Variants in EPHA6 observed in about 807,000 individuals in gnomAD.
EPHA6 encodes the protein EPH receptor A6, also known as ephrin type-A receptor 6.
EPHA6 carries 50 observed loss-of-function variants against 112.0 expected under a neutral mutation model. The observed-to-expected ratio is 0.45, with a 90% CI of 0.36 to 0.56. EPHA6 has a LOEUF of 0.56. Ranked by LOEUF, EPHA6 falls within the 20% of genes least tolerant of loss-of-function variation. The pLI is 0.00. For synonymous variants in EPHA6, 529 were observed against 490.7 expected, an observed-to-expected ratio of 1.08 and a Z score of -1.03; for missense variants, 1,280 against 1,417.4, an observed-to-expected ratio of 0.90 and a Z score of 1.56.
chr3:96,941,714 C>T (rs1194305027), intron 2 of EPHA6, among the ~76,000 whole-genome samples: 1 of 152,080 alleles, frequency 6.6e-6, no homozygotes, highest in Non-Finnish European at 1.5e-5. Flanking sequence ...CTGTTTTTTC[C>T]CCATCTTTGT....
At chr3:97,008,755 C>T (rs1020867055) in intron 3 of EPHA6, among the ~76,000 whole-genome samples, 16 of 151,656 alleles carry the variant, frequency 1.1e-4, no homozygotes, top group African/African-American at 2.4e-4. Context: ...TGTGTAGTTT[C>T]GGCCTTTGAG....
Position 96,925,078 on chromosome 3 carries a change from A to G in EPHA6, c.450+58189A>G, listed in dbSNP as rs562906545. On this transcript the variant is annotated intron_variant, in intron 2 of 17. Coordinates refer to ENST00000389672, the MANE Select transcript of EPHA6 (RefSeq NM_001080448.3). ...AGGATTTTTGCATCAATGTTCATCA[A>G]GGATATTGGCCTGAAGTTTTCTTTT... Among the ~76,000 whole-genome samples the G allele has an allele frequency of 2.0e-5, 3 of 152,274 alleles. No individual in the cohort carries two copies. In the South Asian group the frequency reaches 6.2e-4, roughly 32 times the overall value.
chr3:96,933,036 C>T (rs1310758078), intron 2 of EPHA6, among the ~76,000 whole-genome samples: 3 of 152,024 alleles, frequency 2.0e-5, no homozygotes, highest in Non-Finnish European at 4.4e-5. Flanking sequence ...CTTGGGTAAT[C>T]ATCCATCTGG....
At chr3:97,348,883 AC>A (rs1322662610) in intron 5 of EPHA6, among the ~76,000 whole-genome samples, 1 of 152,016 alleles carries the variant, frequency 6.6e-6, no homozygotes, top group African/African-American at 2.4e-5. Flanking sequence ...AGTCGACATG[AC>A]GGTTCTTCTT....
At chr3:97,324,425 CTTT>C (rs1559883734) in intron 5 of EPHA6, among the ~76,000 whole-genome samples, 1 of 143,308 alleles carries the variant, frequency 7.0e-6, no homozygotes, top group Non-Finnish European at 1.5e-5. Context: ...TTCTTTCTTT[CTTT>C]CTTTCTTTCT....
chr3:97,095,003 G>A (rs551080461), intron 3 of EPHA6, among the ~76,000 whole-genome samples: 12 of 152,058 alleles, frequency 7.9e-5, no homozygotes, highest in African/African-American at 2.4e-4. Flanking sequence ...TCTTTAAGAT[G>A]GAGAGAAAAA....
intron 3 of EPHA6, among the ~76,000 whole-genome samples, chr3:96,990,513 T>C (rs930635573): frequency 6.6e-6 from 1 of 152,150 alleles, no homozygotes; most frequent in African/African-American, 2.4e-5. Context: ...AATCAGGTGT[T>C]TTTTTTAAAT....
intron 10 of EPHA6, among the ~76,000 whole-genome samples, chr3:97,521,923 CAAAAAAAAA>C (rs754123519): frequency 0.026 from 2,253 of 87,972 alleles, 43 homozygotes; most frequent in Non-Finnish European, 0.038. Flanking sequence ...GAGCCTTTTT[CAAAAAAAAA>C]AAAAAAAAAA....
intron 3 of EPHA6, among the ~76,000 whole-genome samples, chr3:97,174,114 A>G (rs1455994704): frequency 6.7e-6 from 1 of 149,814 alleles, no homozygotes; most frequent in Non-Finnish European, 1.5e-5. Context: ...TAATTTTTAG[A>G]TCCCACAGAT....
intron 6 of EPHA6, among the ~76,000 whole-genome samples, chr3:97,419,173 T>C (rs1474496791): frequency 1.3e-5 from 2 of 151,940 alleles, no homozygotes; most frequent in Non-Finnish European, 2.9e-5. Context: ...CATGGTGGCA[T>C]GTACCTGTAA....
At chr3:97,627,419 C>T (rs1008711026) in intron 13 of EPHA6, among the ~76,000 whole-genome samples, 1 of 151,634 alleles carries the variant, frequency 6.6e-6, no homozygotes, top group Non-Finnish European at 1.5e-5. Context: ...TGAAACATGG[C>T]ATTTGAGTAA....
intron 5 of EPHA6, among the ~76,000 whole-genome samples, chr3:97,288,545 G>A (rs1056452670): frequency 6.6e-6 from 1 of 152,138 alleles, no homozygotes; most frequent in African/African-American, 2.4e-5. Context: ...CAATGAACAT[G>A]TGAGTGCATG....
At chr3:97,121,065 A>C (rs1467813567) in intron 3 of EPHA6, among the ~76,000 whole-genome samples, 2 of 152,058 alleles carry the variant, frequency 1.3e-5, no homozygotes. Context: ...CCTTTTCAAT[A>C]TAATTAAATG....
At chr3:96,900,716 C>G (rs529255055) in intron 2 of EPHA6, among the ~76,000 whole-genome samples, 1 of 152,352 alleles carries the variant, frequency 6.6e-6, no homozygotes, top group African/African-American at 2.4e-5. Flanking sequence ...GAAATAGGTT[C>G]TGGCATGTGC....
intron 2 of EPHA6, among the ~76,000 whole-genome samples, chr3:96,904,352 C>T (rs1331986287): frequency 6.7e-6 from 1 of 149,882 alleles, no homozygotes; most frequent in African/African-American, 2.5e-5. Context: ...CAAACTACTG[C>T]AAGGACAAAA....
intron 10 of EPHA6, among the ~76,000 whole-genome samples, chr3:97,502,091 A>C (rs2092133286): frequency 6.6e-6 from 1 of 151,412 alleles, no homozygotes; most frequent in African/African-American, 2.4e-5. Context: ...GATTCAGAAG[A>C]GATATGTAGG....
intron 3 of EPHA6, among the ~76,000 whole-genome samples, chr3:97,214,615 T>C: frequency 6.6e-6 from 1 of 152,116 alleles, no homozygotes; most frequent in East Asian, 1.9e-4. Context: ...TTTTCATTGT[T>C]ATTTTAAGCA....
At chr3:97,707,858 C>T (rs1046499853) in intron 14 of EPHA6, among the ~76,000 whole-genome samples, 1 of 152,144 alleles carries the variant, frequency 6.6e-6, no homozygotes, top group Non-Finnish European at 1.5e-5. Flanking sequence ...CTCTCTCCTG[C>T]CACCATGTAA....
At chr3:97,648,307 C>CT in intron 14 of EPHA6, 1 of 1,350,188 alleles carries the variant, frequency 7.4e-7, no homozygotes, top group Non-Finnish European at 1.1e-6. Context: ...AACTCTAACA[C>CT]TTAACCTCTG....
Sources: allele counts gnomAD v4.1 joint callset (sites outside exome capture counted in the v4.1 genomes callset), GRCh38; gene constraint gnomAD v4.1.1; transcripts MANE v1.5; gene names NCBI Gene and HGNC (gene_info 2026-07-23, HGNC 2026-07-21).